Variants in DOCK1 observed in about 807,000 individuals in gnomAD.
DOCK1 encodes the protein dedicator of cytokinesis protein 1.
Under a neutral mutation model 262.7 loss-of-function variants are expected in DOCK1, and 138 were observed. The ratio of observed to expected loss-of-function variants is 0.53; its 90% confidence interval spans 0.46 to 0.61. DOCK1 has a LOEUF of 0.61. Among genes scored for constraint, DOCK1 ranks in the 20% least tolerant of loss-of-function variants. The pLI, the probability that DOCK1 is intolerant of heterozygous loss-of-function variation, is 0.00. For missense variants in DOCK1, 1,908 were observed against 2,370.7 expected, an observed-to-expected ratio of 0.80 and a Z score of 4.05; for synonymous variants, 866 against 867.4, an observed-to-expected ratio of 1.00 and a Z score of 0.03.
chr10:127,067,513 C>T (rs1463528867), intron 23 of DOCK1, among the ~76,000 whole-genome samples: 1 of 151,692 alleles, frequency 6.6e-6, no homozygotes, highest in Non-Finnish European at 1.5e-5. Flanking sequence ...TGTCTGTGTG[C>T]ATTGTATGTG....
At chr10:127,167,734 A>G (rs2054210158) in intron 27 of DOCK1, among the ~76,000 whole-genome samples, 1 of 152,056 alleles carries the variant, frequency 6.6e-6, no homozygotes, top group Non-Finnish European at 1.5e-5. Context: ...TGCCCGTGAC[A>G]CCAAATGAAC....
chr10:126,984,315 T>C (rs1317226641), intron 4 of DOCK1, among the ~76,000 whole-genome samples: 2 of 152,012 alleles, frequency 1.3e-5, no homozygotes, highest in Non-Finnish European at 2.9e-5. Flanking sequence ...CATTCTCTTT[T>C]CAAAAAAAAT....
chr10:126,985,644 G>A (rs1413724865), intron 4 of DOCK1, among the ~76,000 whole-genome samples: 1 of 152,148 alleles, frequency 6.6e-6, no homozygotes, highest in Non-Finnish European at 1.5e-5. Flanking sequence ...GATGAAAACA[G>A]CCCAGTCGTT....
At chr10:126,925,765 T>C (rs2033663694) in intron 1 of DOCK1, among the ~76,000 whole-genome samples, 1 of 131,476 alleles carries the variant, frequency 7.6e-6, no homozygotes, top group South Asian at 2.5e-4. Context: ...TGTGTGTGTG[T>C]GTGTGCGCCT....
At chr10:127,393,741 C>T (rs1334944548) in intron 38 of DOCK1, among the ~76,000 whole-genome samples, 2 of 152,226 alleles carry the variant, frequency 1.3e-5, no homozygotes, top group East Asian at 3.8e-4. Flanking sequence ...CCCACGGAAT[C>T]ATTCTTCTGT....
At chr10:127,064,020 A>G (rs2045702859) in intron 23 of DOCK1, among the ~76,000 whole-genome samples, 1 of 152,228 alleles carries the variant, frequency 6.6e-6, no homozygotes. Flanking sequence ...AAAGATTCCC[A>G]TCGTGGGAGC....
chr10:127,233,713 C>T (rs964547349), intron 27 of DOCK1, among the ~76,000 whole-genome samples: 10 of 152,242 alleles, frequency 6.6e-5, no homozygotes, highest in Admixed American at 3.3e-4. Flanking sequence ...AAGGTTTCAG[C>T]GAACGGATAA....
chr10:127,147,485 A>T (rs1312041157), intron 27 of DOCK1, among the ~76,000 whole-genome samples: 1 of 151,862 alleles, frequency 6.6e-6, no homozygotes, highest in African/African-American at 2.4e-5. Flanking sequence ...ACGTCCTTGC[A>T]CCTGTGGCTC....
intron 31 of DOCK1, among the ~76,000 whole-genome samples, chr10:127,353,857 G>A (rs751149993): frequency 2.0e-4 from 30 of 152,240 alleles, no homozygotes; most frequent in Non-Finnish European, 3.7e-4. Flanking sequence ...CAGGATCTTC[G>A]CCTCAAGAAC....
At chr10:127,290,167 C>T (rs563697802) in intron 29 of DOCK1, among the ~76,000 whole-genome samples, 1 of 152,042 alleles carries the variant, frequency 6.6e-6, no homozygotes, top group South Asian at 2.1e-4. Flanking sequence ...GTTTTATGAT[C>T]ACGTCCTGGT....
chr10:127,082,953 T>A (rs2046992779), intron 23 of DOCK1, among the ~76,000 whole-genome samples: 1 of 152,130 alleles, frequency 6.6e-6, no homozygotes, highest in African/African-American at 2.4e-5. Flanking sequence ...GAAGGCCTGT[T>A]CTCTTCCTGT....
At chr10:127,238,642 T>TA (rs2059157223) in intron 27 of DOCK1, among the ~76,000 whole-genome samples, 1 of 152,168 alleles carries the variant, frequency 6.6e-6, no homozygotes, top group South Asian at 2.1e-4. Flanking sequence ...TTCATTTTGA[T>TA]ATTCAGATTG....
At chr10:127,307,164 C>G (rs1309858839) in intron 29 of DOCK1, among the ~76,000 whole-genome samples, 1 of 152,104 alleles carries the variant, frequency 6.6e-6, no homozygotes, top group Non-Finnish European at 1.5e-5. Flanking sequence ...CCTGGCCTTT[C>G]ATTTTGTTTT....
intron 29 of DOCK1, among the ~76,000 whole-genome samples, chr10:127,279,042 A>C (rs1390508526): frequency 2.0e-5 from 3 of 152,210 alleles, no homozygotes; most frequent in African/African-American, 7.2e-5. Flanking sequence ...TTAATTGACA[A>C]ATTCTGTTGT....
chr10:127,033,887 G>A (rs10830146), intron 18 of DOCK1, among the ~76,000 whole-genome samples: 24,024 of 152,166 alleles, frequency 0.16, 2,256 homozygotes, highest in Non-Finnish European at 0.22. Context: ...CTGGTCTGCT[G>A]AGTAAACTGC....
chr10:127,268,516 A>AAAAG (rs928299762), intron 29 of DOCK1, among the ~76,000 whole-genome samples: 8 of 151,098 alleles, frequency 5.3e-5, no homozygotes, highest in Non-Finnish European at 1.2e-4. Flanking sequence ...AAAAAAAAAA[A>AAAAG]AAAAAAGAAG....
rs560064696 is a variant in DOCK1, at chr10:127,188,168, G to T, written c.2848-59840G>T. Among the ~76,000 whole-genome samples, 40 of 152,296 alleles carry T rather than the reference G, an allele frequency of 2.6e-4. No individual in the cohort carries two copies. In the South Asian group the frequency reaches 7.9e-3, roughly 30 times the overall value. ...ATGATCACCAGCAGATCCCACACAGGCCCACAGAGTGTCTGTGCCCTGGCC... is the reference window on the plus strand; with the variant it reads ...ATGATCACCAGCAGATCCCACACAGTCCCACAGAGTGTCTGTGCCCTGGCC... On this transcript the variant is annotated intron_variant, in intron 27 of 51. Transcript: ENST00000623213.
intron 24 of DOCK1, among the ~76,000 whole-genome samples, chr10:127,109,670 G>T (rs2048749311): frequency 6.6e-6 from 1 of 152,178 alleles, no homozygotes; most frequent in African/African-American, 2.4e-5. Context: ...TTAGCATAAA[G>T]TTTTCAAGGT....
intron 1 of DOCK1, among the ~76,000 whole-genome samples, chr10:126,934,904 C>A (rs1279697420): frequency 1.3e-5 from 2 of 151,996 alleles, no homozygotes; most frequent in Admixed American, 1.3e-4. Flanking sequence ...GTCATGAGGT[C>A]AGGAGACCAT....
Sources: allele counts gnomAD v4.1 joint callset (sites outside exome capture counted in the v4.1 genomes callset), GRCh38; gene constraint gnomAD v4.1.1; transcripts MANE v1.5; gene names NCBI Gene and HGNC (gene_info 2026-07-23, HGNC 2026-07-21).